The following EPM2A variants were observed in gnomAD, a reference collection of about 807,000 sequenced individuals.
EPM2A encodes EPM2A glucan phosphatase, laforin.
In EPM2A, 21 loss-of-function variants were observed where a neutral mutation model predicts 26.5. The observed-to-expected ratio is 0.79, with a 90% CI of 0.56 to 1.14. The LOEUF is 1.14. Among genes scored for constraint, EPM2A ranks in the 50% most tolerant of loss-of-function variants. The pLI is 0.00. For synonymous variants in EPM2A, 217 were observed against 177.6 expected (o/e 1.22, Z -1.76); for missense variants, 458 against 440.8 (o/e 1.04, Z -0.35).
At chr6:145,580,133 A>G (rs1026123759) in intron 2 of EPM2A, among the ~76,000 whole-genome samples, 2 of 152,158 alleles carry the variant, frequency 1.3e-5, no homozygotes, top group African/African-American at 4.8e-5. Context: ...CATTTTAAGC[A>G]TTTCTTGTTT....
intron 2 of EPM2A, among the ~76,000 whole-genome samples, chr6:145,594,281 T>C (rs1781311670): frequency 6.6e-6 from 1 of 151,800 alleles, no homozygotes; most frequent in Non-Finnish European, 1.5e-5. Context: ...ATTAAATCAA[T>C]AATAAACCCT....
chr6:145,559,318 A>C (rs1420647608), intron 2 of EPM2A, among the ~76,000 whole-genome samples: 1 of 152,132 alleles, frequency 6.6e-6, no homozygotes, highest in Non-Finnish European at 1.5e-5. Flanking sequence ...TGGAAAGCCA[A>C]TAATCAATAG....
chr6:145,713,267 C>T (rs546407914), intron 1 of EPM2A, among the ~76,000 whole-genome samples: 68 of 152,252 alleles, frequency 4.5e-4, no homozygotes, highest in Non-Finnish European at 7.2e-4. Flanking sequence ...TTGTGGTTTC[C>T]TATAGCCCAT....
rs1342489582 is a variant in EPM2A at position 145,483,864 on chromosome 6, TCTG to T, written c.555+18655_555+18657del. Among the ~76,000 whole-genome samples the T allele has an allele frequency of 2.0e-5, 3 of 152,306 alleles. No individual in the cohort carries two copies. In the South Asian group the frequency reaches 6.2e-4, roughly 32 times the overall value. ...GTATCTCACACATTCAGTAATGACTTCTGCTCACTGGAGGCTTGCCTCACGAAC... is the reference window on the plus strand; with the variant it reads ...GTATCTCACACATTCAGTAATGACTTCTCACTGGAGGCTTGCCTCACGAAC... On this transcript the variant is annotated intron_variant, in intron 4 of 4. Transcript: ENST00000638717.
intron 1 of EPM2A, among the ~76,000 whole-genome samples, chr6:145,710,407 A>G (rs1036792823): frequency 6.6e-6 from 1 of 152,266 alleles, no homozygotes; most frequent in East Asian, 1.9e-4. Flanking sequence ...AATGCAAATC[A>G]AAACCACAAT....
At chr6:145,411,133 A>G (rs1778637491) in intron 4 of EPM2A, among the ~76,000 whole-genome samples, 1 of 152,204 alleles carries the variant, frequency 6.6e-6, no homozygotes, top group African/African-American at 2.4e-5. Context: ...CTGCCACAGA[A>G]TAATAGAAGC....
At chr6:145,436,442 C>T (rs1482095678) in intron 4 of EPM2A, among the ~76,000 whole-genome samples, 1 of 152,116 alleles carries the variant, frequency 6.6e-6, no homozygotes, top group Non-Finnish European at 1.5e-5. Flanking sequence ...GTGTCTCTAC[C>T]ATTTACATTT....
chr6:145,429,005 C>A (rs899572587), intron 4 of EPM2A, among the ~76,000 whole-genome samples: 3 of 152,180 alleles, frequency 2.0e-5, no homozygotes, highest in African/African-American at 7.2e-5. Flanking sequence ...TAACCAAAAG[C>A]GCCAACTGAG....
At chr6:145,569,637 T>C (rs1244791509) in intron 2 of EPM2A, among the ~76,000 whole-genome samples, 1 of 152,224 alleles carries the variant, frequency 6.6e-6, no homozygotes, top group Non-Finnish European at 1.5e-5. Flanking sequence ...TTTTTATGCA[T>C]AGCAATAATT....
chr6:145,473,097 A>C (rs1779497120), intron 4 of EPM2A, among the ~76,000 whole-genome samples: 1 of 152,114 alleles, frequency 6.6e-6, no homozygotes, highest in Admixed American at 6.6e-5. Context: ...GAGATATGTC[A>C]CCTTTTAAAC....
intron 4 of EPM2A, among the ~76,000 whole-genome samples, chr6:145,386,555 A>T (rs1778264651): frequency 6.6e-6 from 1 of 152,086 alleles, no homozygotes; most frequent in African/African-American, 2.4e-5. Context: ...CTTTATATAA[A>T]AAGAAAAATT....
chr6:145,679,755 A>C (rs1033955455), intron 2 of EPM2A, among the ~76,000 whole-genome samples: 5 of 152,172 alleles, frequency 3.3e-5, no homozygotes, highest in African/African-American at 1.2e-4. Context: ...AAACAAAAAC[A>C]CTTGAACATA....
intron 2 of EPM2A, among the ~76,000 whole-genome samples, chr6:145,512,719 A>G (rs1780072785): frequency 6.7e-6 from 1 of 148,444 alleles, no homozygotes; most frequent in Non-Finnish European, 1.5e-5. Flanking sequence ...TCAAAAAAAA[A>G]AAAAAAAAAA....
chr6:145,501,857 G>A (rs1234321808), intron 3 of EPM2A: 1 of 471,092 alleles, frequency 2.1e-6, no homozygotes, highest in Admixed American at 2.3e-5. Context: ...TCTAAAAGAA[G>A]ACAGGGATAG....
chr6:145,497,821 C>G (rs952236584), downstream of EPM2A, among the ~76,000 whole-genome samples: 7 of 152,234 alleles, frequency 4.6e-5, no homozygotes, highest in African/African-American at 1.7e-4. Context: ...ACTCTGTCCA[C>G]ACTTTTGTAG....
chr6:145,666,009 G>A (rs987353782), intron 2 of EPM2A, among the ~76,000 whole-genome samples: 10 of 145,362 alleles, frequency 6.9e-5, no homozygotes, highest in Non-Finnish European at 1.4e-4. Context: ...TTGATGGGAC[G>A]TATTTCAAAA....
intron 1 of EPM2A, among the ~76,000 whole-genome samples, chr6:145,731,009 T>C (rs1583143852): frequency 6.6e-6 from 1 of 151,938 alleles, no homozygotes; most frequent in Admixed American, 6.6e-5. Flanking sequence ...AGTGTGGGTA[T>C]AGGAGCTGGA....
At chr6:145,732,214 T>TGA (rs1233879563) in intron 1 of EPM2A, among the ~76,000 whole-genome samples, 1 of 98,070 alleles carries the variant, frequency 1.0e-5, no homozygotes, top group East Asian at 3.0e-4. Flanking sequence ...TGTGTGTGTG[T>TGA]GTGTGTGTGT....
intron 1 of EPM2A, among the ~76,000 whole-genome samples, chr6:145,726,190 A>G (rs1776196836): frequency 6.6e-6 from 1 of 152,138 alleles, no homozygotes; most frequent in African/African-American, 2.4e-5. Context: ...GATGTCAAAG[A>G]GACACAAAAG....
Sources: gnomAD v4.1 joint callset for allele counts (sites outside exome capture counted in the v4.1 genomes callset) on GRCh38, gnomAD v4.1.1 for gene constraint, MANE v1.5 for transcripts, NCBI Gene and HGNC (gene_info 2026-07-23, HGNC 2026-07-21) for gene names.